HIVEP2: variants seen among roughly 807,000 people sequenced by gnomAD.
The protein encoded by HIVEP2 is HIVEP zinc finger 2.
In HIVEP2, 14 loss-of-function variants were observed where a neutral mutation model predicts 180.7. The observed-to-expected ratio is 0.08, with a 90% CI of 0.05 to 0.12. The LOEUF (loss-of-function observed/expected upper bound fraction) is 0.12, where lower values mean the gene tolerates loss of function less well. Among genes scored for constraint, HIVEP2 ranks in the 10% least tolerant of loss-of-function variants. HIVEP2 has a pLI of 1.00. For synonymous variants in HIVEP2, 1,184 were observed against 1,136.4 expected, an observed-to-expected ratio of 1.04 and a Z score of -0.84; for missense variants, 2,579 against 3,008.5, an observed-to-expected ratio of 0.86 and a Z score of 3.34.
chr6:142,878,599 G>A (rs1776504213), intron 1 of HIVEP2, among the ~76,000 whole-genome samples: 1 of 152,212 alleles, frequency 6.6e-6, no homozygotes, highest in Non-Finnish European at 1.5e-5. Context: ...TATGAGACAA[G>A]CAGGCACTGA....
intron 1 of HIVEP2, among the ~76,000 whole-genome samples, chr6:142,848,669 G>A (rs575493520): frequency 6.6e-6 from 1 of 152,128 alleles, no homozygotes; most frequent in East Asian, 1.9e-4. Flanking sequence ...ATTGCAGTGA[G>A]CTGTGATTGT....
At chr6:142,804,529 T>C (rs1229371638) in intron 2 of HIVEP2, among the ~76,000 whole-genome samples, 1 of 152,074 alleles carries the variant, frequency 6.6e-6, no homozygotes, top group Admixed American at 6.6e-5. Context: ...GGCCTGCCTT[T>C]ATGTGAATCA....
chr6:142,903,972 T>C (rs1777198847), intron 1 of HIVEP2, among the ~76,000 whole-genome samples: 1 of 152,206 alleles, frequency 6.6e-6, no homozygotes, highest in Non-Finnish European at 1.5e-5. Context: ...ACAGATCATT[T>C]TGCACTATAT....
At chr6:142,863,320 C>A (rs1776054151) in intron 1 of HIVEP2, among the ~76,000 whole-genome samples, 1 of 151,630 alleles carries the variant, frequency 6.6e-6, no homozygotes, top group South Asian at 2.1e-4. Flanking sequence ...ATCCTAGATA[C>A]AAACCAAATC....
intron 2 of HIVEP2, among the ~76,000 whole-genome samples, chr6:142,787,323 G>T (rs1193140737): frequency 6.6e-6 from 1 of 152,010 alleles, no homozygotes; most frequent in Non-Finnish European, 1.5e-5. Context: ...ATGGCAAATA[G>T]AAACTGGAAA....
In HIVEP2 at chr6:142,793,675, C is replaced by CTTTCTTTCTTTCTT. The variant is rs60365543; in HGVS notation, c.-527-10061_-527-10060insAAGAAAGAAAGAAA. ...TTCTTTCTTTTTTCTTTCTTTCTTT[C>CTTTCTTTCTTTCTT]TCTCTCTCTCTCTCTCTCTCTCTGT... is the stretch of plus-strand genomic sequence containing the variant. On this transcript the variant is annotated intron_variant, in intron 2 of 9. Transcript: ENST00000367603. 8.4e-4 allele frequency among the ~76,000 whole-genome samples: 103 copies of CTTTCTTTCTTTCTT among 122,894 alleles called. 1 individual carries two copies. The highest frequency in any genetic ancestry group is 1.4e-3 in the South Asian group (5 of 3,494). The allele number at this position is 122,894 out of a possible 152,430, so 80.6% of individuals were successfully genotyped here.
At chr6:142,765,418 A>G (rs1441886951) in intron 6 of HIVEP2, among the ~76,000 whole-genome samples, 1 of 152,220 alleles carries the variant, frequency 6.6e-6, no homozygotes, top group Non-Finnish European at 1.5e-5. Flanking sequence ...ACAACCCTCT[A>G]AATTTGCTAA....
At position 142,760,060 on chromosome 6, in the gene HIVEP2, T is replaced by C; in HGVS notation, c.6228A>G (p.Leu2076=). 2.5e-6 allele frequency: 4 copies of C among 1,613,990 alleles called. No individual in the cohort carries two copies. The highest frequency in any genetic ancestry group is 3.4e-6 in the Non-Finnish European group (4 of 1,179,878). ...TGGGTGACAGATCTCTCCTAGGTGA[T>C]AAATGTCTCCTGGGAGATAAATCTC... ...PKGDLSPRRH[L]SPRRDLSPMR... Residue 2076 remains leucine (L), a synonymous_variant, in exon 9 of 10, where the codon TTA becomes TTG. Transcript: ENST00000367603.
At chr6:142,758,548 A>G (rs1775137417) in intron 9 of HIVEP2, among the ~76,000 whole-genome samples, 1 of 152,232 alleles carries the variant, frequency 6.6e-6, no homozygotes, top group Admixed American at 6.5e-5. Flanking sequence ...AGTAGAAACC[A>G]GGAAATCAAA....
At chr6:142,883,923 GT>G (rs1420433088) in intron 1 of HIVEP2, among the ~76,000 whole-genome samples, 3 of 152,024 alleles carry the variant, frequency 2.0e-5, no homozygotes, top group Non-Finnish European at 4.4e-5. Context: ...CAAAAGGAAG[GT>G]TTTTCTTTTT....
intron 1 of HIVEP2, among the ~76,000 whole-genome samples, chr6:142,941,804 T>G (rs187101958): frequency 8.6e-4 from 131 of 152,350 alleles, no homozygotes; most frequent in African/African-American, 3.0e-3. Context: ...TGAATTCACA[T>G]ATAAATCCAT....
Position 142,753,004 on chromosome 6 carries a change from A to G in HIVEP2, c.*103T>C. 1 of 716,056 alleles carries G rather than the reference A, an allele frequency of 1.4e-6. No individual in the cohort carries two copies. The highest frequency in any genetic ancestry group is 2.5e-6 in the Non-Finnish European group (1 of 402,866). The allele number at this position is 716,056 out of a possible 1,614,324, so 44.4% of individuals were successfully genotyped here. On this transcript the variant is annotated 3_prime_UTR_variant, in exon 10 of 10. Transcript: ENST00000367603. ...AGTATATATAATAGCAAACTACTGT[A>G]ACTTAGGACAGGCATGCTATAAACT... is the stretch of plus-strand genomic sequence containing the variant.
intron 1 of HIVEP2, among the ~76,000 whole-genome samples, chr6:142,845,428 T>C (rs773822453): frequency 6.6e-6 from 1 of 152,046 alleles, no homozygotes; most frequent in Non-Finnish European, 1.5e-5. Context: ...CTCTTCAAAG[T>C]GTGTGTGTGT....
rs757944681 is a variant in HIVEP2, at chr6:142,770,211, A to C, written c.4528T>G (p.Ser1510Ala). The change falls in exon 5 of 10, where the codon TCA becomes GCA. Residue 1510 changes from serine to alanine, a missense_variant. Physicochemically the swap from Ser to Ala is moderately conservative, Grantham distance 99. Around this residue, in one of 11 missense-constraint regions of HIVEP2, gnomAD observed 349 missense variants for 367.2 expected, o/e 0.95. Coordinates refer to ENST00000367603, the MANE Select transcript of HIVEP2 (RefSeq NM_006734.4). The surrounding 1 kb of genome is among the most constrained non-coding windows in gnomAD (Gnocchi z 4.7). ...AGCGAGGAGAAGGAAGATGACCCTG[A>C]CTGCAAGCCATCTTTTGGCTCAGAA... ...CASEPKDGLQSGSSSFSSLSP... is the reference protein window; with the variant it reads ...CASEPKDGLQAGSSSFSSLSP... 12 of 1,614,148 alleles carry C rather than the reference A, an allele frequency of 7.4e-6. No individual in the cohort carries two copies. The highest frequency in any genetic ancestry group is 1.1e-5 in the South Asian group (1 of 91,078).
At position 142,773,867 on chromosome 6, in the gene HIVEP2, G is replaced by C; in HGVS notation, c.872C>G (p.Ala291Gly). 1 of 1,613,530 alleles carries C rather than the reference G, an allele frequency of 6.2e-7. No individual in the cohort carries two copies. Among genetic ancestry groups the C allele is most frequent in the African/African-American group, 1.3e-5 (1 of 75,038 alleles). ...TGGACCAGGACTCATTTTGTCAGAA[G>C]CCTCGGCAAATAAAGAACTCTCCTC... Reference protein sequence around the residue: ...TDEESSLFAEASDKMSPGPPI... With the variant: ...TDEESSLFAEGSDKMSPGPPI... The change falls in exon 5 of 10, where the codon GCT (alanine) becomes GGT (glycine). Residue 291 changes from alanine to glycine, a missense_variant. Transcript: ENST00000367603.
intron 1 of HIVEP2, among the ~76,000 whole-genome samples, chr6:142,888,560 T>C (rs979192441): frequency 2.0e-5 from 3 of 152,182 alleles, no homozygotes; most frequent in Non-Finnish European, 2.9e-5. Context: ...ATTGAAGTCA[T>C]TATCTTCATT....
intron 1 of HIVEP2, among the ~76,000 whole-genome samples, chr6:142,896,642 C>G (rs1777002388): frequency 6.6e-6 from 1 of 151,644 alleles, no homozygotes; most frequent in Non-Finnish European, 1.5e-5. Context: ...TTTCACTTCA[C>G]AAAAAAGAAA....
At chr6:142,820,338 C>A (rs961008910) in intron 2 of HIVEP2, among the ~76,000 whole-genome samples, 4 of 137,932 alleles carry the variant, frequency 2.9e-5, no homozygotes, top group Admixed American at 2.8e-4. Flanking sequence ...CTCACCACCT[C>A]CCCTCCCTCT....
chr6:142,837,082 C>T (rs554751951), intron 1 of HIVEP2, 35 bp from the exon 2 acceptor site: 20 of 152,088 alleles, frequency 1.3e-4, no homozygotes, highest in East Asian at 3.9e-4. Flanking sequence ...ACATTTAAAC[C>T]GGAGCGTGAT....
Sources: allele counts gnomAD v4.1 joint callset (sites outside exome capture counted in the v4.1 genomes callset), GRCh38; gene constraint gnomAD v4.1.1; regional missense constraint gnomAD v4.1.1; non-coding constraint Gnocchi (gnomAD v3.1); transcripts MANE v1.5; gene names NCBI Gene and HGNC (gene_info 2026-07-23, HGNC 2026-07-21).